Variants in WWOX observed in about 807,000 individuals in gnomAD.
WWOX encodes the protein WW domain-containing oxidoreductase.
In WWOX, 69 loss-of-function variants were observed where a neutral mutation model predicts 46.2. That is an observed-to-expected ratio of 1.49 (90% CI 1.23 to 1.82). The LOEUF is 1.82. WWOX is among the 40% of genes most tolerant of loss of function. The pLI, the probability that WWOX is intolerant of heterozygous loss-of-function variation, is 0.00. For missense variants in WWOX, 919 were observed against 542.6 expected (o/e 1.69, Z -6.89); for synonymous variants, 359 against 202.6 (o/e 1.77, Z -6.56).
intron 8 of WWOX, among the ~76,000 whole-genome samples, chr16:78,862,920 G>A (rs1020610883): frequency 6.6e-6 from 1 of 151,428 alleles, no homozygotes; most frequent in African/African-American, 2.4e-5. Context: ...GCCCAGTCAA[G>A]TGGACACATA....
intron 8 of WWOX, among the ~76,000 whole-genome samples, chr16:78,739,945 A>G (rs1181208544): frequency 6.6e-6 from 1 of 152,068 alleles, no homozygotes; most frequent in African/African-American, 2.4e-5. Flanking sequence ...TACACATTGA[A>G]CTCAGTCAAC....
chr16:78,810,643 G>C (rs965193062), intron 8 of WWOX, among the ~76,000 whole-genome samples: 3 of 152,190 alleles, frequency 2.0e-5, no homozygotes, highest in Non-Finnish European at 4.4e-5. Flanking sequence ...CGCTGAACAG[G>C]ACGTTTGGTT....
At chr16:78,118,067 T>C (rs1420598990) in intron 4 of WWOX, among the ~76,000 whole-genome samples, 3 of 150,642 alleles carry the variant, frequency 2.0e-5, no homozygotes, top group Non-Finnish European at 4.4e-5. Flanking sequence ...TAATGCCCCA[T>C]ATGACGCTGC....
chr16:78,735,027 C>T (rs1163475703), intron 8 of WWOX, among the ~76,000 whole-genome samples: 1 of 151,330 alleles, frequency 6.6e-6, no homozygotes, highest in Admixed American at 6.6e-5. Context: ...CCATCATGCC[C>T]AGCTAACTTT....
intron 8 of WWOX, among the ~76,000 whole-genome samples, chr16:78,519,881 T>A (rs1212169321): frequency 6.6e-6 from 1 of 152,194 alleles, no homozygotes; most frequent in East Asian, 1.9e-4. Context: ...GCCACCTAAG[T>A]TATACTATTT....
intron 8 of WWOX, among the ~76,000 whole-genome samples, chr16:79,174,321 T>G (rs900426340): frequency 6.6e-6 from 1 of 152,190 alleles, no homozygotes; most frequent in Admixed American, 6.5e-5. Flanking sequence ...AATTAGTGCC[T>G]TGGCCAGACA....
At chr16:78,400,687 G>T (rs1209991998) in intron 6 of WWOX, among the ~76,000 whole-genome samples, 1 of 152,180 alleles carries the variant, frequency 6.6e-6, no homozygotes, top group Admixed American at 6.5e-5. Flanking sequence ...GGGAGGACTG[G>T]AGGAAGGAAA....
chr16:78,102,257 C>T (rs537349162), intron 1 of WWOX, among the ~76,000 whole-genome samples: 2 of 152,132 alleles, frequency 1.3e-5, no homozygotes, highest in African/African-American at 2.4e-5. Context: ...GGCAGGAGGG[C>T]AGTCTAGGTA....
At chr16:78,111,171 C>T (rs546928702) in intron 3 of WWOX, among the ~76,000 whole-genome samples, 1 of 152,218 alleles carries the variant, frequency 6.6e-6, no homozygotes, top group East Asian at 1.9e-4. Context: ...ATAACATCTA[C>T]AATTTCTACT....
At chr16:78,911,587 C>T (rs755175040) in intron 8 of WWOX, among the ~76,000 whole-genome samples, 4 of 151,976 alleles carry the variant, frequency 2.6e-5, no homozygotes, top group Middle Eastern at 3.2e-3. Context: ...AACACCAGGC[C>T]GGGCACAGTG....
chr16:78,365,623 C>G (rs1040558018), intron 5 of WWOX, among the ~76,000 whole-genome samples: 1 of 152,210 alleles, frequency 6.6e-6, no homozygotes, highest in Non-Finnish European at 1.5e-5. Flanking sequence ...TGAAGTGGCT[C>G]TATAGACTGC....
intron 8 of WWOX, among the ~76,000 whole-genome samples, chr16:78,974,450 C>T (rs1411200308): frequency 6.6e-6 from 1 of 152,150 alleles, no homozygotes; most frequent in African/African-American, 2.4e-5. Flanking sequence ...GCCTCAAGTT[C>T]CACAACAAAA....
intron 8 of WWOX, among the ~76,000 whole-genome samples, chr16:78,695,015 A>G (rs2048069327): frequency 6.6e-6 from 1 of 152,322 alleles, no homozygotes; most frequent in African/African-American, 2.4e-5. Context: ...CAGGGAATAG[A>G]TGAAGCAAGC....
intron 3 of WWOX, among the ~76,000 whole-genome samples, chr16:78,113,251 A>G (rs933414226): frequency 6.6e-6 from 1 of 152,164 alleles, no homozygotes; most frequent in Non-Finnish European, 1.5e-5. Flanking sequence ...TCTGCGCTCT[A>G]ATAGTCATCC....
intron 8 of WWOX, among the ~76,000 whole-genome samples, chr16:79,081,349 A>G (rs2048756821): frequency 6.6e-6 from 1 of 152,108 alleles, no homozygotes; most frequent in Non-Finnish European, 1.5e-5. Context: ...TTTTCAGTAG[A>G]GATGGGGTTT....
intron 8 of WWOX, among the ~76,000 whole-genome samples, chr16:79,053,501 T>C (rs539216044): frequency 5.4e-4 from 82 of 152,222 alleles, no homozygotes; most frequent in Non-Finnish European, 9.0e-4. Context: ...TAAGGTAATG[T>C]AAATGTGTTG....
chr16:78,589,247 A>G (rs2045295579), intron 8 of WWOX, among the ~76,000 whole-genome samples: 1 of 152,240 alleles, frequency 6.6e-6, no homozygotes, highest in African/African-American at 2.4e-5. Flanking sequence ...GGAGAAGGAT[A>G]GAGGAAAAGC....
chr16:78,819,989 A>T (rs1353521818), intron 8 of WWOX, among the ~76,000 whole-genome samples: 2 of 152,198 alleles, frequency 1.3e-5, no homozygotes, highest in African/African-American at 4.8e-5. Flanking sequence ...AACATCTGTA[A>T]AATGGGGATG....
At chr16:78,880,130 A>G (rs528497353) in intron 8 of WWOX, among the ~76,000 whole-genome samples, 7 of 152,316 alleles carry the variant, frequency 4.6e-5, no homozygotes, top group African/African-American at 1.7e-4. Context: ...ACTGGGGTCT[A>G]TTTGGTGGTT....
Sources: allele counts gnomAD v4.1 joint callset (sites outside exome capture counted in the v4.1 genomes callset), GRCh38; gene constraint gnomAD v4.1.1; transcripts MANE v1.5; gene names NCBI Gene and HGNC (gene_info 2026-07-23, HGNC 2026-07-21).